BTLA: variants seen among roughly 807,000 people sequenced by gnomAD.
The protein encoded by BTLA is B- and T-lymphocyte attenuator.
A neutral mutation model predicts 25.0 loss-of-function variants in BTLA; 11 were observed. The observed-to-expected ratio is 0.44, with a 90% CI of 0.28 to 0.73. The LOEUF (loss-of-function observed/expected upper bound fraction) is 0.73, where lower values mean the gene tolerates loss of function less well. BTLA is among the 30% of genes least tolerant of loss of function. BTLA has a pLI of 0.15. For synonymous variants in BTLA, 104 were observed against 119.8 expected, an observed-to-expected ratio of 0.87 and a Z score of 0.86; for missense variants, 282 against 332.8, an observed-to-expected ratio of 0.85 and a Z score of 1.19.
At chr3:112,498,076 A>G (rs925385404) in intron 1 of BTLA, among the ~76,000 whole-genome samples, 2 of 152,174 alleles carry the variant, frequency 1.3e-5, no homozygotes, top group Non-Finnish European at 2.9e-5. Flanking sequence ...AGTAGATGTT[A>G]TAAATAGTTA....
At position 112,470,463 on chromosome 3, in the gene BTLA, G is replaced by A. The variant is rs114629069; in HGVS notation, c.548-659C>T. On this transcript the variant is annotated intron_variant, in intron 3 of 4. Transcript: ENST00000334529. ...TTTCTATAGCTACACTGTAGCTGGT[G>A]TTGTGAAAACAGGAATGTGAGAGGA... The A allele has an allele frequency of 4.8e-3, 727 of 152,382 alleles. 9 individuals are homozygous for A. Among genetic ancestry groups the A allele is most frequent in the African/African-American group, 0.017 (696 of 41,578 alleles). 9.4% of individuals were successfully genotyped at this position (152,382 alleles called of 1,614,324 possible).
intron 3 of BTLA, chr3:112,470,104 C>T: frequency 4.4e-6 from 1 of 228,760 alleles, no homozygotes; most frequent in Non-Finnish European, 8.6e-6. Flanking sequence ...ATACTCAATG[C>T]CAGAAATGCT....
At chr3:112,487,599 G>A (rs1177101369) in intron 1 of BTLA, among the ~76,000 whole-genome samples, 1 of 148,696 alleles carries the variant, frequency 6.7e-6, no homozygotes, top group African/African-American at 2.5e-5. Context: ...AAAAAAAAAA[G>A]GAAATCAACT....
At chr3:112,473,760 G>A (rs1005474017) in intron 2 of BTLA, among the ~76,000 whole-genome samples, 3 of 151,554 alleles carry the variant, frequency 2.0e-5, no homozygotes, top group Admixed American at 6.6e-5. Context: ...GATTACAGGC[G>A]CCTCCCACCG....
At chr3:112,484,061 C>T (rs148578341) in intron 1 of BTLA, among the ~76,000 whole-genome samples, 143 of 152,080 alleles carry the variant, frequency 9.4e-4, no homozygotes, top group African/African-American at 3.2e-3. Flanking sequence ...TATACTTGAG[C>T]TGAACCTTGG....
chr3:112,481,116 A>G (rs1291893383), intron 1 of BTLA, among the ~76,000 whole-genome samples: 2 of 152,208 alleles, frequency 1.3e-5, no homozygotes, highest in Non-Finnish European at 2.9e-5. Context: ...CCAAAACCCA[A>G]CAGAGAAATA....
At chr3:112,494,987 A>G (rs1254166530) in intron 1 of BTLA, among the ~76,000 whole-genome samples, 1 of 152,238 alleles carries the variant, frequency 6.6e-6, no homozygotes, top group Non-Finnish European at 1.5e-5. Flanking sequence ...TTGTCACCCA[A>G]TGTTACTTTA....
intron 1 of BTLA, among the ~76,000 whole-genome samples, chr3:112,496,051 A>G (rs1377208822): frequency 6.6e-6 from 1 of 152,186 alleles, no homozygotes; most frequent in African/African-American, 2.4e-5. Flanking sequence ...AACAGTTCCA[A>G]CTGCCTTTAT....
intron 2 of BTLA, among the ~76,000 whole-genome samples, chr3:112,475,980 C>A (rs916010419): frequency 1.3e-5 from 2 of 152,096 alleles, no homozygotes; most frequent in African/African-American, 4.8e-5. Context: ...AGAAAGTGTT[C>A]ATTCCATACA....
chr3:112,469,586 C>T (rs1576676883), intron 4 of BTLA, among the ~76,000 whole-genome samples, 172 bp downstream of exon 4: 1 of 130,552 alleles, frequency 7.7e-6, no homozygotes, highest in African/African-American at 3.1e-5. Context: ...GCAAAATTCA[C>T]ATTTTTAAAA....
At position 112,495,200 on chromosome 3, in the gene BTLA, A is replaced by G. The variant is rs190422515; in HGVS notation, c.88+4071T>C. 4.6e-5 allele frequency among the ~76,000 whole-genome samples: 7 copies of G among 152,372 alleles called. No individual in the cohort carries two copies. In the East Asian group the frequency reaches 1.3e-3, roughly 29 times the overall value. On this transcript the variant is annotated intron_variant, in intron 1 of 4. Transcript: ENST00000334529. ...CCAGAGATTTTATAGTCACAAAACCATTAAATGGCAGACATAGGATACTAA... is the reference window on the plus strand; with the variant it reads ...CCAGAGATTTTATAGTCACAAAACCGTTAAATGGCAGACATAGGATACTAA...
chr3:112,485,744 T>A (rs2082343450), intron 1 of BTLA, among the ~76,000 whole-genome samples: 1 of 152,290 alleles, frequency 6.6e-6, no homozygotes, highest in East Asian at 1.9e-4. Flanking sequence ...CTGCTGTTTT[T>A]CTCAAGCATT....
chr3:112,479,083 A>G (rs2082303959), intron 2 of BTLA, among the ~76,000 whole-genome samples: 1 of 152,136 alleles, frequency 6.6e-6, no homozygotes, highest in African/African-American at 2.4e-5. Context: ...AAATGGGAAA[A>G]AGAGAAAAAA....
intron 1 of BTLA, among the ~76,000 whole-genome samples, chr3:112,491,394 C>T (rs896396057): frequency 6.6e-6 from 1 of 152,132 alleles, no homozygotes; most frequent in Non-Finnish European, 1.5e-5. Flanking sequence ...GAGGTAGGCA[C>T]TTTTAGATAC....
intron 1 of BTLA, among the ~76,000 whole-genome samples, chr3:112,497,551 T>TG (rs748596868): frequency 2.0e-5 from 3 of 152,184 alleles, no homozygotes; most frequent in Non-Finnish European, 4.4e-5. Flanking sequence ...ATCCTTCAAA[T>TG]GGGGAAGAAA....
chr3:112,497,794 C>T (rs1406722095), intron 1 of BTLA, among the ~76,000 whole-genome samples: 1 of 152,168 alleles, frequency 6.6e-6, no homozygotes, highest in Admixed American at 6.5e-5. Context: ...GATAGACTTT[C>T]CATAGAACCT....
At chr3:112,486,280 C>G (rs1276754079) in intron 1 of BTLA, among the ~76,000 whole-genome samples, 1 of 152,060 alleles carries the variant, frequency 6.6e-6, no homozygotes, top group Non-Finnish European at 1.5e-5. Flanking sequence ...CAGGTGGTAC[C>G]GATGATATTT....
At chr3:112,467,208 C>T (rs2082234154) in intron 4 of BTLA, among the ~76,000 whole-genome samples, 1 of 152,172 alleles carries the variant, frequency 6.6e-6, no homozygotes, top group African/African-American at 2.4e-5. Context: ...GATCCGCCCG[C>T]CTCGGCCTCC....
At chr3:112,491,429 C>G (rs973417741) in intron 1 of BTLA, among the ~76,000 whole-genome samples, 7 of 152,032 alleles carry the variant, frequency 4.6e-5, no homozygotes, top group Non-Finnish European at 8.8e-5. Context: ...TTCATTTGAC[C>G]CTCACAATGA....
Sources: gnomAD v4.1 joint callset for allele counts (sites outside exome capture counted in the v4.1 genomes callset) on GRCh38, gnomAD v4.1.1 for gene constraint, MANE v1.5 for transcripts, NCBI Gene and HGNC (gene_info 2026-07-23, HGNC 2026-07-21) for gene names.